Variants in CTIF observed in about 807,000 individuals in gnomAD.
The protein encoded by CTIF is cap binding complex dependent translation initiation factor, also known as CBP80/20-dependent translation initiation factor.
CTIF carries 21 observed loss-of-function variants against 66.0 expected under a neutral mutation model. That is an observed-to-expected ratio of 0.32 (90% confidence interval 0.23 to 0.46). CTIF has a LOEUF of 0.46. Among genes scored for constraint, CTIF ranks in the 20% least tolerant of loss-of-function variants. CTIF has a pLI of 1.00. For synonymous variants in CTIF, 345 were observed against 326.4 expected (o/e 1.06, Z -0.62); for missense variants, 739 against 812.7 (o/e 0.91, Z 1.10).
At chr18:48,857,346 A>G (rs1243688525) in intron 10 of CTIF, among the ~76,000 whole-genome samples, 1 of 152,234 alleles carries the variant, frequency 6.6e-6, no homozygotes, top group African/African-American at 2.4e-5. Context: ...GGGGCTCCAC[A>G]TCGCACCATC....
At position 48,588,960 on chromosome 18, in the gene CTIF, C is replaced by T. The variant is rs561595842; in HGVS notation, c.-28-30578C>T. 5.9e-5 allele frequency among the ~76,000 whole-genome samples: 9 copies of T among 152,276 alleles called. No individual in the cohort carries two copies. In the East Asian group the frequency reaches 9.7e-4, roughly 16 times the overall value. ...TTTCCCCTCCCTCTCTACATGTACC[C>T]GGCGCCCCTGTCTCCCATAATCCTC... is the stretch of plus-strand genomic sequence containing the variant. On this transcript the variant is annotated intron_variant, in intron 1 of 11. Transcript: ENST00000256413.
intron 6 of CTIF, among the ~76,000 whole-genome samples, chr18:48,675,964 A>C (rs542821565): frequency 2.6e-4 from 40 of 152,242 alleles, no homozygotes; most frequent in Non-Finnish European, 5.4e-4. Context: ...TGTGAAGGCA[A>C]GGGATGAAAT....
chr18:48,733,168 C>T (rs150259177), intron 7 of CTIF, among the ~76,000 whole-genome samples: 276 of 151,892 alleles, frequency 1.8e-3, no homozygotes, highest in African/African-American at 2.1e-3. Context: ...CCAAGGCACT[C>T]GGACACCTCT....
intron 1 of CTIF, among the ~76,000 whole-genome samples, chr18:48,591,284 C>T (rs557115076): frequency 6.6e-6 from 1 of 152,314 alleles, no homozygotes; most frequent in East Asian, 1.9e-4. Context: ...CCCAGGCTGG[C>T]TGTGGATGGG....
chr18:48,608,521 G>A (rs1435442596), intron 1 of CTIF, among the ~76,000 whole-genome samples: 2 of 152,142 alleles, frequency 1.3e-5, no homozygotes, highest in African/African-American at 4.8e-5. Flanking sequence ...AGGGCCCAGT[G>A]AGTGGCTGCT....
At chr18:48,628,331 G>T (rs571494868) in intron 2 of CTIF, among the ~76,000 whole-genome samples, 2 of 152,308 alleles carry the variant, frequency 1.3e-5, no homozygotes, top group Admixed American at 6.5e-5. Context: ...AGCCCAGGGG[G>T]TGAGGAAGTT....
In CTIF at chr18:48,859,775, C is replaced by A. The variant is rs771114550; in HGVS notation, c.*216C>A. The A allele has an allele frequency of 1.0e-5, 7 of 695,878 alleles. No homozygotes were observed. The highest frequency in any genetic ancestry group is 1.8e-5 in the Non-Finnish European group (7 of 381,032). The allele number at this position is 695,878 out of a possible 1,614,324, so 43.1% of individuals were successfully genotyped here. A position where few individuals can be genotyped will look rare whatever the true frequency, so the allele number is the denominator to read the frequency against. On this transcript the variant is annotated 3_prime_UTR_variant, in exon 12 of 12. Coordinates refer to ENST00000256413, the MANE Select transcript of CTIF (RefSeq NM_014772.3). ...GCCCCCCAGCCCGAGCATGCAAGCT[C>A]ACACCAATAAGGGAAGCATGTTTCT...
intron 3 of CTIF, among the ~76,000 whole-genome samples, chr18:48,660,458 A>G (rs1277870561): frequency 6.6e-6 from 1 of 152,246 alleles, no homozygotes; most frequent in Non-Finnish European, 1.5e-5. Flanking sequence ...GAATAAACAC[A>G]TACATGCAGG....
chr18:48,729,551 A>T (rs1415973023), intron 7 of CTIF, among the ~76,000 whole-genome samples: 1 of 152,174 alleles, frequency 6.6e-6, no homozygotes, highest in Non-Finnish European at 1.5e-5. Context: ...CCATGAGAAG[A>T]GTGAGATCAG....
intron 1 of CTIF, among the ~76,000 whole-genome samples, chr18:48,558,643 A>G (rs189847301): frequency 5.3e-5 from 8 of 152,312 alleles, no homozygotes; most frequent in Admixed American, 4.6e-4. Flanking sequence ...ATCCTTTTTT[A>G]TAGTATCTGG....
intron 7 of CTIF, among the ~76,000 whole-genome samples, chr18:48,716,057 G>C (rs960189929): frequency 2.0e-5 from 3 of 152,214 alleles, no homozygotes; most frequent in African/African-American, 7.2e-5. Context: ...GCTGAGGGCT[G>C]TCTGCACAGC....
chr18:48,842,649 C>T (rs112057159), intron 10 of CTIF, among the ~76,000 whole-genome samples: 105 of 152,320 alleles, frequency 6.9e-4, no homozygotes, highest in Non-Finnish European at 7.5e-4. Context: ...GCCCAGCAGT[C>T]GCTGATTCTA....
chr18:48,565,480 A>G (rs1263184997), intron 1 of CTIF: 1 of 152,066 alleles, frequency 6.6e-6, no homozygotes, highest in Admixed American at 6.5e-5. Flanking sequence ...AGATCCCCCG[A>G]GAGACTGCAA....
chr18:48,858,846 G>A (rs1290433254), intron 11 of CTIF, among the ~76,000 whole-genome samples: 1 of 152,190 alleles, frequency 6.6e-6, no homozygotes, highest in Non-Finnish European at 1.5e-5. Context: ...CAGGAGAAAA[G>A]GAGAGCGAGA....
chr18:48,765,798 C>G (rs1318786480), intron 9 of CTIF, among the ~76,000 whole-genome samples: 1 of 152,186 alleles, frequency 6.6e-6, no homozygotes, highest in Non-Finnish European at 1.5e-5. Context: ...AATCCCACAG[C>G]TCCAAAATGG....
intron 9 of CTIF, among the ~76,000 whole-genome samples, chr18:48,769,125 C>G (rs1292876443): frequency 6.6e-6 from 1 of 152,190 alleles, no homozygotes; most frequent in South Asian, 2.1e-4. Flanking sequence ...GCATCCTCTC[C>G]CTCTTCTCAG....
chr18:48,628,441 T>C (rs1356695632), intron 2 of CTIF, among the ~76,000 whole-genome samples: 1 of 152,188 alleles, frequency 6.6e-6, no homozygotes, highest in African/African-American at 2.4e-5. Flanking sequence ...ACATGTTAAC[T>C]CATTTAGTCT....
At chr18:48,787,257 T>C (rs1911793095) in intron 9 of CTIF, among the ~76,000 whole-genome samples, 1 of 151,860 alleles carries the variant, frequency 6.6e-6, no homozygotes, top group Non-Finnish European at 1.5e-5. Flanking sequence ...CCACATTGGT[T>C]CACATGTTAA....
intron 6 of CTIF, among the ~76,000 whole-genome samples, chr18:48,689,751 T>C (rs562182776): frequency 1.3e-5 from 2 of 152,326 alleles, no homozygotes; most frequent in East Asian, 1.9e-4. Context: ...AGATTCCTGC[T>C]GTCCAGGAGG....
Sources: gnomAD v4.1 joint callset for allele counts (sites outside exome capture counted in the v4.1 genomes callset) on GRCh38, gnomAD v4.1.1 for gene constraint, MANE v1.5 for transcripts, NCBI Gene and HGNC (gene_info 2026-07-23, HGNC 2026-07-21) for gene names.